Variants in MICAL3 observed in about 807,000 individuals in gnomAD.
The protein encoded by MICAL3 is [F-actin]-monooxygenase MICAL3.
A neutral mutation model predicts 207.4 loss-of-function variants in MICAL3; 62 were observed. The observed-to-expected ratio is 0.30, with a 90% CI of 0.24 to 0.37. The LOEUF (loss-of-function observed/expected upper bound fraction) is 0.37, where lower values mean the gene tolerates loss of function less well. MICAL3 is among the 10% of genes least tolerant of loss of function. The probability of loss-of-function intolerance (pLI) is 1.00; values close to 1 mark genes in which losing one functional copy is unlikely to be tolerated. For missense variants in MICAL3, 2,368 were observed against 2,635.6 expected (o/e 0.90, Z 2.22); for synonymous variants, 1,077 against 1,069.3 (o/e 1.01, Z -0.14).
chr22:17,838,685 G>A (rs1209923002), intron 20 of MICAL3, among the ~76,000 whole-genome samples: 4 of 152,198 alleles, frequency 2.6e-5, no homozygotes, highest in African/African-American at 9.6e-5. Context: ...ACATCACGCT[G>A]CTGTCCCCTG....
At chr22:18,014,771 A>T (rs929429504) in intron 1 of MICAL3, among the ~76,000 whole-genome samples, 1 of 152,200 alleles carries the variant, frequency 6.6e-6, no homozygotes, top group African/African-American at 2.4e-5. Context: ...AGGCAGGTGG[A>T]GCACGAGGTC....
Position 17,818,962 on chromosome 22 carries a change from A to G in MICAL3, c.3699T>C (p.Ala1233=). Residue 1233 remains alanine (A), a synonymous_variant, in exon 26 of 32, where the codon GCT becomes GCC. Coordinates refer to ENST00000441493, the MANE Select transcript of MICAL3 (RefSeq NM_015241.3). ...IRSQPVTLPE[A]RTPVSPGSPQ... ...GGCTCCCTGGTGAGACAGGAGTCCT[A>G]GCTTCTGGCAGGGTCACTGGCTGTG... is the stretch of plus-strand genomic sequence containing the variant. 1 of 1,604,586 alleles carries G rather than the reference A, an allele frequency of 6.2e-7. No individual in the cohort carries two copies. The highest frequency in any genetic ancestry group is 8.5e-7 in the Non-Finnish European group (1 of 1,175,756).
At chr22:17,880,081 C>A (rs575051182) in intron 16 of MICAL3, among the ~76,000 whole-genome samples, 8 of 152,174 alleles carry the variant, frequency 5.3e-5, no homozygotes, top group Non-Finnish European at 1.2e-4. Context: ...CAGCCACGTG[C>A]GGGTGGAAAA....
At chr22:17,877,715 A>G (rs1929002237) in intron 16 of MICAL3, among the ~76,000 whole-genome samples, 1 of 152,002 alleles carries the variant, frequency 6.6e-6, no homozygotes, top group African/African-American at 2.4e-5. Context: ...AAAAAGAGAG[A>G]AACATCTCTG....
At chr22:17,804,531 C>G (rs1427736252) in intron 29 of MICAL3, among the ~76,000 whole-genome samples, 1 of 152,234 alleles carries the variant, frequency 6.6e-6, no homozygotes, top group Admixed American at 6.5e-5. Context: ...CCCAGGCACT[C>G]GGCCGAAGGC....
rs190436401 is a variant in MICAL3, at chr22:17,969,606, A to G, written c.-75+54675T>C. ...TATCTTAGAAATGATTTAAGGCAAC[A>G]TGGGCCCTTGATCTGTGAGGAGGTG... is the stretch of plus-strand genomic sequence containing the variant. On this transcript the variant is annotated intron_variant, in intron 1 of 31. Coordinates refer to ENST00000441493, the MANE Select transcript of MICAL3 (RefSeq NM_015241.3). Among the ~76,000 whole-genome samples, 134 of 152,160 alleles carry G rather than the reference A, an allele frequency of 8.8e-4. 1 individual carries two copies. Among genetic ancestry groups the G allele is most frequent in the Non-Finnish European group, 1.5e-3 (105 of 67,998 alleles).
At chr22:17,990,756 G>C (rs925630925) in intron 1 of MICAL3, among the ~76,000 whole-genome samples, 1 of 152,160 alleles carries the variant, frequency 6.6e-6, no homozygotes, top group African/African-American at 2.4e-5. Context: ...CCTCATACGG[G>C]TAACTCTGTA....
intron 22 of MICAL3, among the ~76,000 whole-genome samples, chr22:17,825,294 G>T (rs1922058690): frequency 6.6e-6 from 1 of 152,220 alleles, no homozygotes; most frequent in South Asian, 2.1e-4. Context: ...TATCAACGCA[G>T]CAGCAGCAGT....
intron 12 of MICAL3, among the ~76,000 whole-genome samples, chr22:17,890,738 T>TAA (rs1930327509): frequency 6.6e-6 from 1 of 152,222 alleles, no homozygotes; most frequent in Non-Finnish European, 1.5e-5. Context: ...TAAGTGGACC[T>TAA]AATGATGAAA....
In MICAL3 at chr22:17,862,277, A is replaced by G. The variant is rs535246781; in HGVS notation, c.2605+2622T>C. ...CCCTTTTCTTCTTTTTTTTTTTTAG[A>G]TGGAGTCTTGCTCTGTCATCAGGCT... On this transcript the variant is annotated intron_variant, in intron 19 of 31. Coordinates refer to ENST00000441493, the MANE Select transcript of MICAL3 (RefSeq NM_015241.3). 1.5e-5 allele frequency: 14 copies of G among 935,304 alleles called. No homozygotes were observed. In the African/African-American group the frequency reaches 2.3e-4, roughly 16 times the overall value. 57.9% of individuals were successfully genotyped at this position (935,304 alleles called of 1,614,324 possible). A position where few individuals can be genotyped will look rare whatever the true frequency, so the allele number is the denominator to read the frequency against.
intron 29 of MICAL3, 103 bp from the exon 30 acceptor site, chr22:17,791,404 G>C: frequency 4.9e-6 from 5 of 1,023,784 alleles, no homozygotes; most frequent in Non-Finnish European, 7.4e-6. Flanking sequence ...GCAAGATGCT[G>C]CCGGAACTTC....
At chr22:17,961,021 G>T (rs982991089) in intron 1 of MICAL3, among the ~76,000 whole-genome samples, 3 of 152,116 alleles carry the variant, frequency 2.0e-5, no homozygotes, top group Non-Finnish European at 4.4e-5. Flanking sequence ...GAGCAGGGAA[G>T]AATGACATCG....
chr22:17,912,515 TG>T (rs1412090732), intron 1 of MICAL3, among the ~76,000 whole-genome samples: 3 of 152,254 alleles, frequency 2.0e-5, no homozygotes, highest in African/African-American at 7.2e-5. Context: ...ATTCCAGTGA[TG>T]TTTTTTAGTT....
chr22:17,831,226 C>T (rs901717445), intron 21 of MICAL3, among the ~76,000 whole-genome samples: 15 of 151,128 alleles, frequency 9.9e-5, no homozygotes, highest in African/African-American at 3.2e-4. Flanking sequence ...AAAGAATGGC[C>T]TTCTCTCCTG....
At chr22:17,831,518 T>C (rs1460233094) in intron 21 of MICAL3, among the ~76,000 whole-genome samples, 1 of 152,168 alleles carries the variant, frequency 6.6e-6, no homozygotes, top group Admixed American at 6.5e-5. Flanking sequence ...TCCTTATTAA[T>C]TTTTTCAACT....
Position 17,938,452 on chromosome 22 carries a change from G to A in MICAL3, c.-74-31566C>T, listed in dbSNP as rs77395062. The stretch of plus-strand genomic sequence containing the variant: ...CTCCACAGGTAATACAGATTTGGTA[G>A]GGGTGGGCTGCCTTTTCCCTACGCT... On this transcript the variant is annotated intron_variant, in intron 1 of 31. Coordinates refer to ENST00000441493, the MANE Select transcript of MICAL3 (RefSeq NM_015241.3). 6.5e-3 allele frequency among the ~76,000 whole-genome samples: 994 copies of A among 152,300 alleles called. 10 individuals are homozygous for A. Among genetic ancestry groups the A allele is most frequent in the African/African-American group, 0.023 (962 of 41,548 alleles).
At chr22:18,020,133 G>C (rs1199976335) in intron 1 of MICAL3, 1 of 152,012 alleles carries the variant, frequency 6.6e-6, no homozygotes, top group Non-Finnish European at 1.5e-5. Flanking sequence ...GTTTTTAAGA[G>C]GACAATTTTA....
At chr22:17,806,617 C>T (rs1266922957) in intron 29 of MICAL3, among the ~76,000 whole-genome samples, 1 of 152,246 alleles carries the variant, frequency 6.6e-6, no homozygotes, top group Non-Finnish European at 1.5e-5. Flanking sequence ...CTTGTGTGTA[C>T]TGGCTGGATG....
intron 1 of MICAL3, among the ~76,000 whole-genome samples, chr22:17,920,210 C>T (rs1035902178): frequency 2.0e-5 from 3 of 152,224 alleles, no homozygotes; most frequent in Admixed American, 6.5e-5. Context: ...GGGACAAAAG[C>T]ATATTTTCTG....
Sources: gnomAD v4.1 joint callset for allele counts (sites outside exome capture counted in the v4.1 genomes callset) on GRCh38, gnomAD v4.1.1 for gene constraint, MANE v1.5 for transcripts, NCBI Gene and HGNC (gene_info 2026-07-23, HGNC 2026-07-21) for gene names.